FAM114A2: variants seen among roughly 807,000 people sequenced by gnomAD.
FAM114A2 encodes family with sequence similarity 114 member A2.
Under a neutral mutation model 58.4 loss-of-function variants are expected in FAM114A2, and 53 were observed. The ratio of observed to expected loss-of-function variants is 0.91; its 90% confidence interval spans 0.73 to 1.14. The LOEUF is 1.14. Among genes scored for constraint, FAM114A2 ranks in the 50% most tolerant of loss-of-function variants. FAM114A2 has a pLI of 0.00. For missense variants in FAM114A2, 601 were observed against 581.1 expected, an observed-to-expected ratio of 1.03 and a Z score of -0.35; for synonymous variants, 228 against 211.4, an observed-to-expected ratio of 1.08 and a Z score of -0.68.
intron 8 of FAM114A2, among the ~76,000 whole-genome samples, chr5:154,012,378 A>T (rs1374357192): frequency 6.6e-6 from 1 of 152,190 alleles, no homozygotes; most frequent in African/African-American, 2.4e-5. Flanking sequence ...CTCTCCACTC[A>T]TCTGAATCCT....
rs772560377 is a variant in FAM114A2 at position 154,011,324 on chromosome 5, A to C, written c.914-4T>G. ...TCCTTGGTAAAATCTTCATCCCCTA[A>C]AAAACCAAGTCCCATATAAAACACT... On this transcript the variant is annotated splice_region_variant and splice_polypyrimidine_tract_variant and intron_variant, in intron 8 of 13. Coordinates refer to ENST00000351797, the MANE Select transcript of FAM114A2 (RefSeq NM_018691.4). The C allele has an allele frequency of 6.2e-7, 1 of 1,608,640 alleles. No individual in the cohort carries two copies. Among genetic ancestry groups the C allele is most frequent in the Non-Finnish European group, 8.5e-7 (1 of 1,176,046 alleles).
At chr5:154,027,686 A>G (rs1175592508) in intron 6 of FAM114A2, 6 of 198,016 alleles carry the variant, frequency 3.0e-5, no homozygotes, top group Non-Finnish European at 5.1e-5. Flanking sequence ...TTTTTAGAAG[A>G]GACGGGGTTT....
At chr5:154,002,994 C>G (rs369026962) in intron 9 of FAM114A2, 25 bp from the exon 10 acceptor site, 5 of 1,611,486 alleles carry the variant, frequency 3.1e-6, no homozygotes, top group Non-Finnish European at 4.2e-6. Context: ...TATTGGCCAT[C>G]AACAATTCAA....
At chr5:154,017,497 G>A (rs978599837) in intron 8 of FAM114A2, among the ~76,000 whole-genome samples, 33 of 92,764 alleles carry the variant, frequency 3.6e-4, no homozygotes, top group African/African-American at 1.1e-3. Context: ...CAATAATAGT[G>A]GGGGACTTTA....
At chr5:154,021,252 T>C (rs1057272098) in intron 8 of FAM114A2, among the ~76,000 whole-genome samples, 7 of 152,148 alleles carry the variant, frequency 4.6e-5, no homozygotes, top group African/African-American at 1.7e-4. Flanking sequence ...AGGGATGCCC[T>C]CTCTCACCGC....
At chr5:153,993,196 A>G in intron 13 of FAM114A2, 86 bp from the exon 14 acceptor site, 1 of 1,109,566 alleles carries the variant, frequency 9.0e-7, no homozygotes, top group Non-Finnish European at 1.2e-6. Context: ...GAACAGATTA[A>G]TTTTTGTAAT....
intron 11 of FAM114A2, among the ~76,000 whole-genome samples, chr5:153,998,444 G>C (rs1469681902): frequency 1.3e-5 from 2 of 152,126 alleles, no homozygotes; most frequent in African/African-American, 4.8e-5. Context: ...ACAGATTAAT[G>C]CAATATCACA....
intron 8 of FAM114A2, among the ~76,000 whole-genome samples, chr5:154,024,471 C>A (rs1237223777): frequency 6.6e-6 from 1 of 152,024 alleles, no homozygotes. Context: ...TCTTTAATAT[C>A]TAGTTTAACA....
intron 3 of FAM114A2, 46 bp from the exon 4 acceptor site, chr5:154,033,929 T>C (rs1255659665): frequency 1.2e-5 from 15 of 1,205,818 alleles, no homozygotes; most frequent in African/African-American, 3.0e-5. Context: ...TCACCAAAAC[T>C]GAAGAAACAA....
chr5:154,008,213 C>G (rs1770470878), intron 9 of FAM114A2, among the ~76,000 whole-genome samples: 1 of 151,758 alleles, frequency 6.6e-6, no homozygotes, highest in Non-Finnish European at 1.5e-5. Flanking sequence ...AAGGATAAGC[C>G]AGAAACAAGA....
chr5:154,001,212 A>G (rs1412244326), intron 11 of FAM114A2, among the ~76,000 whole-genome samples: 1 of 152,222 alleles, frequency 6.6e-6, no homozygotes, highest in African/African-American at 2.4e-5. Context: ...ACACACATAT[A>G]TATTCATATA....
Position 153,991,367 on chromosome 5 carries a change from G to GATAC in FAM114A2, c.*1605_*1608dup, listed in dbSNP as rs1435901415. ...CAGTTTCTAAACTTTGCCCTCAAGG[G>GATAC]ATACAGGTTCAGACACATCAACCAA... On this transcript the variant is annotated 3_prime_UTR_variant, in exon 14 of 14. Transcript: ENST00000351797. 6.6e-6 allele frequency: 1 copy of GATAC among 152,170 alleles called. No individual in the cohort carries two copies. Among genetic ancestry groups the GATAC allele is most frequent in the Non-Finnish European group, 1.5e-5 (1 of 68,038 alleles). The allele number at this position is 152,170 out of a possible 1,614,324, so 9.4% of individuals were successfully genotyped here.
At chr5:154,011,030 G>C (rs1442597752) in intron 9 of FAM114A2, among the ~76,000 whole-genome samples, 1 of 152,182 alleles carries the variant, frequency 6.6e-6, no homozygotes, top group Non-Finnish European at 1.5e-5. Flanking sequence ...AAACAGGTAA[G>C]GATGGGACAC....
At chr5:153,995,612 AAAATAAAT>A (rs909607884) in intron 12 of FAM114A2, among the ~76,000 whole-genome samples, 4 of 152,180 alleles carry the variant, frequency 2.6e-5, no homozygotes, top group African/African-American at 9.6e-5. Flanking sequence ...CTAGGGCTTT[AAAATAAAT>A]AAATAAATAA....
At chr5:154,001,151 G>A (rs1581768372) in intron 11 of FAM114A2, among the ~76,000 whole-genome samples, 1 of 151,960 alleles carries the variant, frequency 6.6e-6, no homozygotes, top group Admixed American at 6.6e-5. Flanking sequence ...AAATTAAGGG[G>A]GAGACTATAT....
chr5:154,026,330 T>A (rs577786001), intron 8 of FAM114A2, 69 bp downstream of exon 8: 1 of 1,186,150 alleles, frequency 8.4e-7, no homozygotes, highest in Non-Finnish European at 1.1e-6. Context: ...AATAATTTAT[T>A]TCAAGGGCAA....
At chr5:154,038,712 T>C (rs981894172) in intron 1 of FAM114A2, 145 bp downstream of exon 1, 28 of 152,188 alleles carry the variant, frequency 1.8e-4, no homozygotes, top group Admixed American at 6.5e-4. Context: ...AGCGCTTCAA[T>C]CACTAAACCG....
chr5:154,032,307 C>T (rs1300850288), intron 4 of FAM114A2, among the ~76,000 whole-genome samples: 1 of 152,210 alleles, frequency 6.6e-6, no homozygotes, highest in Non-Finnish European at 1.5e-5. Flanking sequence ...AAACCTCTAA[C>T]TTGATTGAGA....
intron 8 of FAM114A2, among the ~76,000 whole-genome samples, chr5:154,017,214 A>G (rs2578384): frequency 0.65 from 99,162 of 152,058 alleles, 32,703 homozygotes; most frequent in East Asian, 0.88. Flanking sequence ...AGGCCGAGGC[A>G]GGTGTATCAC....
Sources: allele counts gnomAD v4.1 joint callset (sites outside exome capture counted in the v4.1 genomes callset), GRCh38; gene constraint gnomAD v4.1.1; transcripts MANE v1.5; gene names NCBI Gene and HGNC (gene_info 2026-07-23, HGNC 2026-07-21).